The following GPA33 variants were observed in gnomAD, a reference collection of about 807,000 sequenced individuals.
GPA33 encodes cell surface A33 antigen.
In GPA33, 27 loss-of-function variants were observed where a neutral mutation model predicts 35.6. That is an observed-to-expected ratio of 0.76 (90% CI 0.56 to 1.04). The LOEUF (loss-of-function observed/expected upper bound fraction) is 1.04. GPA33 is among the 50% of genes least tolerant of loss of function. GPA33 has a pLI of 0.00. For synonymous variants in GPA33, 176 were observed against 164.0 expected, an observed-to-expected ratio of 1.07 and a Z score of -0.56; for missense variants, 428 against 411.9, an observed-to-expected ratio of 1.04 and a Z score of -0.34.
intron 1 of GPA33, among the ~76,000 whole-genome samples, chr1:167,077,763 T>G (rs1666853784): frequency 6.6e-6 from 1 of 152,234 alleles, no homozygotes; most frequent in Non-Finnish European, 1.5e-5. Flanking sequence ...AGTTAATCAT[T>G]CTCAATTCCC....
intron 1 of GPA33, among the ~76,000 whole-genome samples, chr1:167,086,104 A>G (rs1667042268): frequency 6.6e-6 from 1 of 152,228 alleles, no homozygotes; most frequent in Admixed American, 6.5e-5. Flanking sequence ...TGGGACTGAG[A>G]CTAGAGTAGG....
chr1:167,074,950 C>G (rs1666794494), intron 1 of GPA33, among the ~76,000 whole-genome samples: 1 of 148,174 alleles, frequency 6.7e-6, no homozygotes, highest in South Asian at 2.1e-4. Flanking sequence ...GCTCTGTTGC[C>G]AGGCTGGAGT....
chr1:167,082,937 T>C (rs1189412990), intron 1 of GPA33, among the ~76,000 whole-genome samples: 1 of 151,966 alleles, frequency 6.6e-6, no homozygotes, highest in African/African-American at 2.4e-5. Context: ...TGACGGTTGG[T>C]GCCCCAGGCA....
At chr1:167,073,583 G>A in intron 1 of GPA33, 44 bp from the exon 2 acceptor site, 1 of 1,557,134 alleles carries the variant, frequency 6.4e-7, no homozygotes, top group Non-Finnish European at 8.8e-7. Flanking sequence ...AAGCGACACG[G>A]ACAGACATAC....
At chr1:167,071,718 C>G (rs12567287) in intron 2 of GPA33, among the ~76,000 whole-genome samples, 41,959 of 152,024 alleles carry the variant, frequency 0.28, 6,552 homozygotes, top group East Asian at 0.78. Flanking sequence ...CCTCTGCCCA[C>G]TAACCCTCCT....
At chr1:167,080,828 T>A (rs902699076) in intron 1 of GPA33, among the ~76,000 whole-genome samples, 1 of 152,204 alleles carries the variant, frequency 6.6e-6, no homozygotes, top group African/African-American at 2.4e-5. Context: ...GTGCCTAACA[T>A]GTAAAAGGTC....
In GPA33 at chr1:167,054,302, C is replaced by A. The variant is rs777178171; in HGVS notation, c.*32G>T. 3.5e-5 allele frequency: 56 copies of A among 1,612,908 alleles called. 2 individuals are homozygous for A. In the South Asian group the frequency reaches 5.6e-4, roughly 16 times the overall value. On this transcript the variant is annotated 3_prime_UTR_variant, in exon 7 of 7. Coordinates refer to ENST00000367868, the MANE Select transcript of GPA33 (RefSeq NM_005814.3). ...AGGAAGCGGGAGAATGAACCCCTAACCCTTCCTCCGCCGCCCTCTGCTGCT... is the reference window on the plus strand; with the variant it reads ...AGGAAGCGGGAGAATGAACCCCTAAACCTTCCTCCGCCGCCCTCTGCTGCT...
chr1:167,078,467 G>T (rs1034314857), intron 1 of GPA33: 4 of 152,198 alleles, frequency 2.6e-5, no homozygotes, highest in Non-Finnish European at 5.9e-5. Context: ...GTTCTCAGGA[G>T]CCTCACATCC....
At chr1:167,058,898 T>A (rs1370135675) in intron 4 of GPA33, among the ~76,000 whole-genome samples, 1 of 152,204 alleles carries the variant, frequency 6.6e-6, no homozygotes, top group South Asian at 2.1e-4. Context: ...TCGGATTTGT[T>A]ATTTTTAAGA....
chr1:167,079,078 T>C (rs72691504), intron 1 of GPA33, among the ~76,000 whole-genome samples: 1,762 of 152,278 alleles, frequency 0.012, 15 homozygotes, highest in Non-Finnish European at 0.017. Flanking sequence ...TAATTGCTAA[T>C]GATTATAACT....
At position 167,076,919 on chromosome 1, in the gene GPA33, T is replaced by C. The variant is rs181018542; in HGVS notation, c.44-3380A>G. ...ACCACCTTCGTCTATCAGAAAACAT[T>C]TGCTGGCAGGGCGCAGTGGCTCGTG... On this transcript the variant is annotated intron_variant, in intron 1 of 6. Coordinates refer to ENST00000367868, the MANE Select transcript of GPA33 (RefSeq NM_005814.3). Among the ~76,000 whole-genome samples, 9 of 152,238 alleles carry C rather than the reference T, an allele frequency of 5.9e-5. No homozygotes were observed. In the East Asian group the frequency reaches 1.7e-3, roughly 29 times the overall value.
At chr1:167,072,438 TG>T (rs781691034) in intron 2 of GPA33, among the ~76,000 whole-genome samples, 5 of 152,202 alleles carry the variant, frequency 3.3e-5, no homozygotes, top group Non-Finnish European at 7.3e-5. Context: ...TCACTGTTGG[TG>T]GTGAAAATAA....
Position 167,056,081 on chromosome 1 carries a change from T to A in GPA33, c.572-232A>T, listed in dbSNP as rs148532543. Among the ~76,000 whole-genome samples the A allele has an allele frequency of 7.0e-3, 1,063 of 152,356 alleles. 12 individuals are homozygous for A. The highest frequency in any genetic ancestry group is 0.024 in the Admixed American group (373 of 15,304). On this transcript the variant is annotated intron_variant, in intron 4 of 6. Coordinates refer to ENST00000367868, the MANE Select transcript of GPA33 (RefSeq NM_005814.3). ...TGGGTTTGACACCTGGCTCTGCCAC[T>A]TATTAATTTGTCTTTAGCAAGTAAC...
intron 3 of GPA33, 110 bp from the exon 4 acceptor site, chr1:167,063,847 C>T: frequency 4.1e-6 from 3 of 738,332 alleles, no homozygotes; most frequent in East Asian, 2.9e-5. Context: ...TGTTTGTTCA[C>T]AGGCAGAAAA....
chr1:167,053,123 C>T lies in GPA33; in HGVS notation c.*1211G>A, dbSNP rs1323109628. On this transcript the variant is annotated 3_prime_UTR_variant, in exon 7 of 7. Transcript: ENST00000367868. ...GGCTGTGGGAGGGCAGCAGGACAGC[C>T]CCACCAGAAAACCAGAGCCCAAATG... The T allele has an allele frequency of 1.3e-5, 2 of 152,216 alleles. No homozygotes were observed. Among genetic ancestry groups the T allele is most frequent in the Non-Finnish European group, 2.9e-5 (2 of 68,168 alleles). 9.4% of individuals were successfully genotyped at this position (152,216 alleles called of 1,614,324 possible).
At chr1:167,055,970 A>G in intron 4 of GPA33, 121 bp from the exon 5 acceptor site, 1 of 962,270 alleles carries the variant, frequency 1.0e-6, no homozygotes, top group Non-Finnish European at 1.6e-6. Context: ...TTCAGGCCGG[A>G]GCCCCATGTC....
At chr1:167,059,736 C>T (rs1666392182) in intron 4 of GPA33, among the ~76,000 whole-genome samples, 1 of 152,198 alleles carries the variant, frequency 6.6e-6, no homozygotes, top group African/African-American at 2.4e-5. Flanking sequence ...GATCTCCTCT[C>T]ATCCTCTTCA....
At chr1:167,075,301 G>T (rs1184104012) in intron 1 of GPA33, among the ~76,000 whole-genome samples, 2 of 152,158 alleles carry the variant, frequency 1.3e-5, no homozygotes, top group African/African-American at 2.4e-5. Context: ...GCAAGAGTTG[G>T]CTCAATAGTC....
intron 4 of GPA33, among the ~76,000 whole-genome samples, chr1:167,056,945 G>T (rs1444216170): frequency 1.5e-5 from 2 of 137,640 alleles, no homozygotes; most frequent in East Asian, 2.2e-4. Flanking sequence ...GGTGTGTGTG[G>T]CGTGTGTAGT....
Sources: gnomAD v4.1 joint callset for allele counts (sites outside exome capture counted in the v4.1 genomes callset) on GRCh38, gnomAD v4.1.1 for gene constraint, MANE v1.5 for transcripts, NCBI Gene and HGNC (gene_info 2026-07-23, HGNC 2026-07-21) for gene names.